The following EIF3E variants were observed in gnomAD, a reference collection of about 807,000 sequenced individuals.
EIF3E encodes eukaryotic translation initiation factor 3 subunit E.
Under a neutral mutation model 59.3 loss-of-function variants are expected in EIF3E, and 25 were observed. The observed-to-expected ratio is 0.42, with a 90% CI of 0.31 to 0.59. EIF3E has a LOEUF of 0.59. EIF3E is among the 20% of genes least tolerant of loss of function. EIF3E has a pLI of 0.15. For missense variants in EIF3E, 317 were observed against 534.3 expected, an observed-to-expected ratio of 0.59 and a Z score of 4.01; for synonymous variants, 176 against 170.2, an observed-to-expected ratio of 1.03 and a Z score of -0.26.
At position 108,228,247 on chromosome 8, in the gene EIF3E, T is replaced by A; in HGVS notation, c.722+20A>T. 1 of 1,560,512 alleles carries A rather than the reference T, an allele frequency of 6.4e-7. No homozygotes were observed. The highest frequency in any genetic ancestry group is 1.2e-5 in the South Asian group (1 of 81,304). On this transcript the variant is annotated intron_variant, in intron 7 of 12. Transcript: ENST00000220849. ...AATTTTATCTAAACAAAGCCAAAAT[T>A]ACACAGTGAAATAACTTACTGTGGC...
At chr8:108,204,285 C>G (rs76735308) in intron 10 of EIF3E, among the ~76,000 whole-genome samples, 1 of 151,998 alleles carries the variant, frequency 6.6e-6, no homozygotes, top group Non-Finnish European at 1.5e-5. Context: ...TCACAATTCA[C>G]TTAGGAACCA....
chr8:108,224,072 A>AT (rs1352585781), intron 7 of EIF3E, among the ~76,000 whole-genome samples: 2 of 150,278 alleles, frequency 1.3e-5, no homozygotes, highest in Non-Finnish European at 2.9e-5. Flanking sequence ...AAAAAAAAAA[A>AT]GTAGCCAGGC....
At chr8:108,230,506 T>C (rs1379879166) in intron 5 of EIF3E, among the ~76,000 whole-genome samples, 1 of 151,862 alleles carries the variant, frequency 6.6e-6, no homozygotes, top group Non-Finnish European at 1.5e-5. Flanking sequence ...TAAATGTGTA[T>C]ACATATTTAC....
chr8:108,233,996 C>T (rs1563635398), intron 5 of EIF3E, among the ~76,000 whole-genome samples: 1 of 151,826 alleles, frequency 6.6e-6, no homozygotes, highest in South Asian at 2.1e-4. Flanking sequence ...AAACAGAAGA[C>T]AGAGTGAGAA....
intron 1 of EIF3E, among the ~76,000 whole-genome samples, chr8:108,247,125 T>G (rs1410140319): frequency 2.6e-5 from 4 of 152,214 alleles, no homozygotes; most frequent in Admixed American, 2.6e-4. Flanking sequence ...AGGTGGGTAT[T>G]GGGCAGTTTT....
chr8:108,234,756 T>C, intron 5 of EIF3E: 1 of 296,686 alleles, frequency 3.4e-6, no homozygotes, highest in Non-Finnish European at 6.1e-6. Flanking sequence ...AATCATAAAA[T>C]TGTTCCTACT....
At chr8:108,221,598 T>A (rs1413602219) in intron 7 of EIF3E, 1 of 152,192 alleles carries the variant, frequency 6.6e-6, no homozygotes, top group Non-Finnish European at 1.5e-5. Flanking sequence ...ACACGGTAAA[T>A]AAGCACTGGT....
At chr8:108,222,896 G>C (rs931043910) in intron 7 of EIF3E, among the ~76,000 whole-genome samples, 14 of 149,046 alleles carry the variant, frequency 9.4e-5, no homozygotes, top group African/African-American at 3.5e-4. Flanking sequence ...TTTCAAGCTA[G>C]GTAAGTAAAA....
At chr8:108,208,900 C>A (rs984587336) in intron 10 of EIF3E, among the ~76,000 whole-genome samples, 1 of 152,092 alleles carries the variant, frequency 6.6e-6, no homozygotes, top group Non-Finnish European at 1.5e-5. Context: ...CTAAATTAAA[C>A]CCCAACACAG....
intron 10 of EIF3E, among the ~76,000 whole-genome samples, chr8:108,209,217 G>A (rs185833217): frequency 6.6e-6 from 1 of 152,160 alleles, no homozygotes; most frequent in African/African-American, 2.4e-5. Context: ...TCAAAAGACA[G>A]AACATCAGAT....
chr8:108,229,749 A>G (rs1815586494), intron 5 of EIF3E, among the ~76,000 whole-genome samples: 1 of 152,184 alleles, frequency 6.6e-6, no homozygotes, highest in Admixed American at 6.5e-5. Context: ...ACTGAGCAAT[A>G]CAAGTTAGTG....
chr8:108,237,786 T>A (rs1815761280), intron 3 of EIF3E, among the ~76,000 whole-genome samples: 2 of 152,184 alleles, frequency 1.3e-5, no homozygotes, highest in African/African-American at 4.8e-5. Context: ...AACTTTGTAT[T>A]GCACTACTCA....
At chr8:108,246,297 C>T (rs773801774) in intron 1 of EIF3E, among the ~76,000 whole-genome samples, 61 of 140,708 alleles carry the variant, frequency 4.3e-4, no homozygotes, top group Non-Finnish European at 7.3e-4. Context: ...GGGGGGGGGG[C>T]TGCTGTATCC....
chr8:108,244,283 A>G (rs1475838883), intron 1 of EIF3E, among the ~76,000 whole-genome samples: 5 of 152,162 alleles, frequency 3.3e-5, no homozygotes, highest in African/African-American at 1.2e-4. Context: ...CTCTGTTACA[A>G]ACTATTCTTA....
At chr8:108,243,843 T>C (rs1815893388) in intron 1 of EIF3E, among the ~76,000 whole-genome samples, 1 of 152,078 alleles carries the variant, frequency 6.6e-6, no homozygotes, top group African/African-American at 2.4e-5. Context: ...CTTTGCCCTA[T>C]AGAAACACTA....
intron 1 of EIF3E, chr8:108,242,212 C>T: frequency 7.6e-7 from 1 of 1,309,534 alleles, no homozygotes; most frequent in Non-Finnish European, 1.0e-6. Flanking sequence ...ATCTCTTACC[C>T]TTTCTAGGCA....
chr8:108,212,395 C>T (rs767512433), intron 10 of EIF3E, among the ~76,000 whole-genome samples: 16 of 152,216 alleles, frequency 1.1e-4, no homozygotes, highest in South Asian at 4.1e-4. Flanking sequence ...AGATATAAAA[C>T]ATTTCTATCA....
chr8:108,239,824 C>A (rs949906331), intron 3 of EIF3E, 134 bp downstream of exon 3: 16 of 720,070 alleles, frequency 2.2e-5, no homozygotes, highest in Non-Finnish European at 3.8e-5. Context: ...TAAGGATAAA[C>A]AAAAATTAAA....
chr8:108,204,746 T>TATATATATATATAGAGAG (rs1354950271), intron 10 of EIF3E, among the ~76,000 whole-genome samples: 5 of 113,684 alleles, frequency 4.4e-5, no homozygotes, highest in South Asian at 3.3e-4. Flanking sequence ...TATATATATA[T>TATATATATATATAGAGAG]AGAGAGAGAG....
Sources: gnomAD v4.1 joint callset for allele counts (sites outside exome capture counted in the v4.1 genomes callset) on GRCh38, gnomAD v4.1.1 for gene constraint, MANE v1.5 for transcripts, NCBI Gene and HGNC (gene_info 2026-07-23, HGNC 2026-07-21) for gene names.